AADAC: variants seen among roughly 807,000 people sequenced by gnomAD.
AADAC encodes arylacetamide deacetylase (esterase).
Under a neutral mutation model 22.7 loss-of-function variants are expected in AADAC, and 17 were observed. That is an observed-to-expected ratio of 0.75 (90% CI 0.51 to 1.12). AADAC has a LOEUF of 1.12. Ranked by LOEUF, AADAC falls within the 50% of genes most tolerant of loss-of-function variation. The pLI is 0.00. For missense variants in AADAC, 465 were observed against 473.9 expected (o/e 0.98, Z 0.17); for synonymous variants, 167 against 176.3 (o/e 0.95, Z 0.42).
chr3:151,822,970 T>C (rs1377842399), intron 3 of AADAC, among the ~76,000 whole-genome samples: 1 of 151,930 alleles, frequency 6.6e-6, no homozygotes, highest in Admixed American at 6.6e-5. Context: ...TATGAATATC[T>C]CAGTAAAATG....
intron 3 of AADAC, 64 bp downstream of exon 3, chr3:151,820,516 CTTTT>C (rs34039248): frequency 3.0e-3 from 1,235 of 411,822 alleles, no homozygotes; most frequent in East Asian, 4.7e-3. Context: ...TCTCAGCTTT[CTTTT>C]TTTTTTTTTT....
chr3:151,822,977 A>G (rs961497334), intron 3 of AADAC, among the ~76,000 whole-genome samples: 3 of 151,908 alleles, frequency 2.0e-5, no homozygotes, highest in Non-Finnish European at 2.9e-5. Flanking sequence ...ATCTCAGTAA[A>G]ATGGTTATAT....
chr3:151,825,913 C>T (rs1362234624), intron 4 of AADAC, among the ~76,000 whole-genome samples: 1 of 151,880 alleles, frequency 6.6e-6, no homozygotes, highest in Non-Finnish European at 1.5e-5. Flanking sequence ...ATAAATCATT[C>T]ATTTAAAATT....
In AADAC at chr3:151,820,447, A is replaced by T; in HGVS notation, c.426A>T (p.Ser142=). Residue 142 remains serine (S), a synonymous_variant, in exon 3 of 5, where the codon TCA becomes TCT. Transcript: ENST00000232892. ...TADRLDAVVV[S]TNYRLAPKYH... ...ACAGACTTGATGCTGTCGTCGTATCAACCAAGTAAGAGCTGTGCTGTTTGG... is the reference window on the plus strand; with the variant it reads ...ACAGACTTGATGCTGTCGTCGTATCTACCAAGTAAGAGCTGTGCTGTTTGG... The T allele has an allele frequency of 6.3e-7, 1 of 1,585,864 alleles. No individual in the cohort carries two copies. The highest frequency in any genetic ancestry group is 1.2e-5 in the South Asian group (1 of 86,472).
chr3:151,827,642 C>G lies in AADAC; in HGVS notation c.670C>G (p.Pro224Ala), dbSNP rs1560314617. 1 of 1,610,622 alleles carries G rather than the reference C, an allele frequency of 6.2e-7. No homozygotes were observed. Among genetic ancestry groups the G allele is most frequent in the Admixed American group, 1.7e-5 (1 of 59,632 alleles). The change falls in exon 5 of 5, where the codon CCT becomes GCT. Residue 224 changes from proline to alanine, a missense_variant. Transcript: ENST00000232892. Reference protein sequence around the residue: ...IQSLIYPALQPLDVDLPSYQE... With the variant: ...IQSLIYPALQALDVDLPSYQE... ...GTCTTTAATTTATCCTGCCCTTCAG[C>G]CTCTTGATGTAGATTTACCGTCATA...
intron 2 of AADAC, among the ~76,000 whole-genome samples, chr3:151,817,904 C>G (rs926704017): frequency 2.6e-5 from 4 of 152,090 alleles, no homozygotes; most frequent in Middle Eastern, 3.4e-3. Flanking sequence ...CATCCATTTA[C>G]TCATATTTAC....
In AADAC at chr3:151,828,191, C is replaced by A; in HGVS notation, c.*19C>A. The A allele has an allele frequency of 7.3e-7, 1 of 1,377,484 alleles. No homozygotes were observed. The highest frequency in any genetic ancestry group is 1.8e-5 in the South Asian group (1 of 56,122). The allele number at this position is 1,377,484 out of a possible 1,614,324, so 85.3% of individuals were successfully genotyped here. The stretch of plus-strand genomic sequence containing the variant: ...TCTATAGTAAAACATGTAGCTATAA[C>A]ATATTTTAAAAATAAAATCTGAAAA... On this transcript the variant is annotated 3_prime_UTR_variant, in exon 5 of 5. Transcript: ENST00000232892.
At chr3:151,825,439 T>C (rs8193029) in intron 4 of AADAC, among the ~76,000 whole-genome samples, 23,239 of 151,688 alleles carry the variant, frequency 0.15, 2,171 homozygotes, top group East Asian at 0.3. Context: ...AAATATTATA[T>C]TAAGTAGGTG....
In AADAC at chr3:151,827,740, T is replaced by G; in HGVS notation, c.768T>G (p.Thr256=). The change falls in exon 5 of 5, where the codon ACT becomes ACG. Residue 256 remains threonine, a synonymous_variant. Transcript: ENST00000232892. ...MVRFWSEYFT[T]DRSLEKAMLS... ...GATTCTGGAGTGAATATTTTACCAC[T>G]GATAGATCACTTGAAAAAGCCATGC... is the stretch of plus-strand genomic sequence containing the variant. The G allele has an allele frequency of 1.2e-6, 2 of 1,613,262 alleles. No homozygotes were observed. Among genetic ancestry groups the G allele is most frequent in the African/African-American group, 1.3e-5 (1 of 74,996 alleles).
intron 3 of AADAC, among the ~76,000 whole-genome samples, chr3:151,823,622 T>C (rs1046038991): frequency 6.6e-6 from 1 of 151,986 alleles, no homozygotes; most frequent in African/African-American, 2.4e-5. Context: ...ATACCAAGTG[T>C]TGGTAAGGTT....
intron 1 of AADAC, 56 bp from the exon 2 acceptor site, chr3:151,817,310 G>GAT: frequency 6.8e-7 from 1 of 1,474,564 alleles, no homozygotes; most frequent in Non-Finnish European, 9.4e-7. Context: ...TAAGTCCATA[G>GAT]ATCTCTTTGC....
At chr3:151,820,511 G>GATTT in intron 3 of AADAC, 59 bp downstream of exon 3, 2 of 639,204 alleles carry the variant, frequency 3.1e-6, no homozygotes, top group Non-Finnish European at 4.4e-6. Flanking sequence ...GATTTTCTCA[G>GATTT]CTTTCTTTTT....
At chr3:151,825,777 G>A (rs1267412024) in intron 4 of AADAC, among the ~76,000 whole-genome samples, 2 of 151,940 alleles carry the variant, frequency 1.3e-5, no homozygotes, top group African/African-American at 2.4e-5. Context: ...GAGAAACACT[G>A]CTATTGATTG....
chr3:151,814,292 C>A lies in AADAC; in HGVS notation c.130C>A (p.Gln44Lys), dbSNP rs768491079. 1 of 1,610,762 alleles carries A rather than the reference C, an allele frequency of 6.2e-7. No homozygotes were observed. The highest frequency in any genetic ancestry group is 1.1e-5 in the South Asian group (1 of 90,646). The change falls in exon 1 of 5, where the codon CAA (glutamine) becomes AAA (lysine). Residue 44 changes from glutamine to lysine, a missense_variant. Gln to Lys is a moderately conservative substitution (Grantham distance 53). Transcript: ENST00000232892. ...GATAAACGCACATCTGAAAACTATA[C>A]AAAATTTGGTAAGTTTGGAATTTTA... Reference protein sequence around the residue: ...MWINAHLKTIQNLATFVELLG... With the variant: ...MWINAHLKTIKNLATFVELLG...
At chr3:151,818,181 C>T (rs1716073908) in intron 2 of AADAC, among the ~76,000 whole-genome samples, 2 of 149,592 alleles carry the variant, frequency 1.3e-5, no homozygotes. Flanking sequence ...GCGGAGGTCG[C>T]AGTGAGCCAA....
intron 3 of AADAC, among the ~76,000 whole-genome samples, chr3:151,821,418 G>A (rs1360898160): frequency 6.6e-6 from 1 of 151,872 alleles, no homozygotes; most frequent in Admixed American, 6.6e-5. Flanking sequence ...GGGGCGGATT[G>A]CTGGGTAGAC....
rs1233119404 is a variant in AADAC at position 151,827,932 on chromosome 3, C to T, written c.960C>T (p.Ala320=). Residue 320 remains alanine (A), a synonymous_variant, in exon 5 of 5, where the codon GCC becomes GCT. Transcript: ENST00000232892. ...CAGGGTTCCTAGATGTGAGGGCAGC[C>T]CCTTTGTTGGCTGATGACAACAAAT... ...KYPGFLDVRA[A]PLLADDNKLR... The T allele has an allele frequency of 6.2e-7, 1 of 1,611,060 alleles. No individual in the cohort carries two copies. The highest frequency in any genetic ancestry group is 1.7e-5 in the Admixed American group (1 of 59,672).
Position 151,814,201 on chromosome 3 carries a change from C to A in AADAC, c.39C>A (p.Ile13=), listed in dbSNP as rs35544417. 23,984 of 1,613,204 alleles carry A rather than the reference C, an allele frequency of 0.015. 527 individuals are homozygous for A. The highest frequency in any genetic ancestry group is 0.055 in the Admixed American group (3,305 of 59,934). ...RKSLYLLIVG[I]LIAYYIYTPL... Reference sequence around the variant, plus strand: ...CGCTGTACCTTCTGATTGTGGGGATCCTCATAGCATATTATATTTATACGC... The same window carrying A: ...CGCTGTACCTTCTGATTGTGGGGATACTCATAGCATATTATATTTATACGC... The change falls in exon 1 of 5, where the codon ATC becomes ATA. Residue 13 remains isoleucine (I), a synonymous_variant. Transcript: ENST00000232892.
intron 4 of AADAC, among the ~76,000 whole-genome samples, chr3:151,827,147 C>T (rs1560314372): frequency 6.6e-6 from 1 of 151,830 alleles, no homozygotes; most frequent in Non-Finnish European, 1.5e-5. Context: ...CTCCTGACCT[C>T]AAGCAATCCA....
Sources: gnomAD v4.1 joint callset for allele counts (sites outside exome capture counted in the v4.1 genomes callset) on GRCh38, gnomAD v4.1.1 for gene constraint, MANE v1.5 for transcripts, NCBI Gene and HGNC (gene_info 2026-07-23, HGNC 2026-07-21) for gene names.